The following HS6ST3 variants were observed in gnomAD, a reference collection of about 807,000 sequenced individuals.
HS6ST3 encodes heparan-sulfate 6-O-sulfotransferase 3.
In HS6ST3, 12 loss-of-function variants were observed where a neutral mutation model predicts 36.7. That is an observed-to-expected ratio of 0.33 (90% CI 0.21 to 0.53). The LOEUF (loss-of-function observed/expected upper bound fraction) is 0.53. HS6ST3 is among the 20% of genes least tolerant of loss of function. The pLI, the probability that HS6ST3 is intolerant of heterozygous loss-of-function variation, is 0.95. For missense variants in HS6ST3, 584 were observed against 640.9 expected (o/e 0.91, Z 0.96); for synonymous variants, 240 against 257.5 (o/e 0.93, Z 0.65).
chr13:96,778,156 A>G (rs761057651), intron 1 of HS6ST3, among the ~76,000 whole-genome samples: 8 of 152,106 alleles, frequency 5.3e-5, no homozygotes, highest in Non-Finnish European at 8.8e-5. Context: ...TTCCTTACAC[A>G]TTATTCAAAA....
chr13:96,457,092 G>A (rs1010193954), intron 1 of HS6ST3, among the ~76,000 whole-genome samples: 2 of 152,034 alleles, frequency 1.3e-5, no homozygotes, highest in Non-Finnish European at 2.9e-5. Context: ...GTTTTAGGGA[G>A]GCTGATTACA....
chr13:96,091,707 G>A (rs998371892), intron 1 of HS6ST3, 138 bp downstream of exon 1: 31 of 1,217,842 alleles, frequency 2.5e-5, no homozygotes, highest in Non-Finnish European at 3.3e-5. Flanking sequence ...CCGTGGCTTT[G>A]GGGAGGGATG....
chr13:96,344,771 T>C (rs1197108143), intron 1 of HS6ST3, among the ~76,000 whole-genome samples: 6 of 152,200 alleles, frequency 3.9e-5, no homozygotes, highest in African/African-American at 1.2e-4. Flanking sequence ...GTGAACAATG[T>C]TGTTGTTCAG....
intron 1 of HS6ST3, among the ~76,000 whole-genome samples, chr13:96,573,401 A>G (rs2056308007): frequency 6.6e-6 from 1 of 152,274 alleles, no homozygotes; most frequent in Non-Finnish European, 1.5e-5. Flanking sequence ...AGCCAGATGC[A>G]TGACTCCATG....
chr13:96,550,764 T>G (rs2056216726), intron 1 of HS6ST3, among the ~76,000 whole-genome samples: 1 of 150,766 alleles, frequency 6.6e-6, no homozygotes, highest in African/African-American at 2.5e-5. Flanking sequence ...TTTAGATGAG[T>G]AAGTAACTTT....
intron 1 of HS6ST3, among the ~76,000 whole-genome samples, chr13:96,166,306 C>G (rs2054159967): frequency 6.6e-6 from 1 of 152,022 alleles, no homozygotes; most frequent in African/African-American, 2.4e-5. Flanking sequence ...AGTAAACTTT[C>G]TCATACTGCT....
chr13:96,121,142 G>A (rs2053923700), intron 1 of HS6ST3, among the ~76,000 whole-genome samples: 1 of 152,212 alleles, frequency 6.6e-6, no homozygotes, highest in African/African-American at 2.4e-5. Context: ...TGATTTATAA[G>A]TGTATTTCCA....
intron 1 of HS6ST3, among the ~76,000 whole-genome samples, chr13:96,624,904 T>A (rs2056506935): frequency 1.3e-5 from 2 of 152,298 alleles, no homozygotes. Flanking sequence ...CTGCAGAGAT[T>A]TTTGAGCCAG....
At chr13:96,131,535 A>G (rs2053975718) in intron 1 of HS6ST3, among the ~76,000 whole-genome samples, 2 of 152,220 alleles carry the variant, frequency 1.3e-5, no homozygotes, top group South Asian at 4.1e-4. Flanking sequence ...ATTACCATAC[A>G]TGCTTATCAT....
At chr13:96,756,123 T>C (rs1171400751) in intron 1 of HS6ST3, among the ~76,000 whole-genome samples, 1 of 152,240 alleles carries the variant, frequency 6.6e-6, no homozygotes, top group Non-Finnish European at 1.5e-5. Context: ...ATATATCTTC[T>C]CTTCTTGGCC....
chr13:96,297,430 G>A (rs1255736307), intron 1 of HS6ST3, among the ~76,000 whole-genome samples: 2 of 152,078 alleles, frequency 1.3e-5, no homozygotes, highest in Non-Finnish European at 2.9e-5. Flanking sequence ...AACCAAAGCG[G>A]AACTCTTAAT....
At chr13:96,097,604 T>G (rs975242216) in intron 1 of HS6ST3, among the ~76,000 whole-genome samples, 9 of 152,052 alleles carry the variant, frequency 5.9e-5, no homozygotes, top group African/African-American at 2.2e-4. Flanking sequence ...TGTTTTGTAG[T>G]AATCACTTAT....
At chr13:96,688,567 A>G (rs2138443046) in intron 1 of HS6ST3, among the ~76,000 whole-genome samples, 1 of 152,154 alleles carries the variant, frequency 6.6e-6, no homozygotes, top group Non-Finnish European at 1.5e-5. Context: ...CGCTCACTTG[A>G]TATAGAGCTT....
chr13:96,525,058 T>A (rs549674226), intron 1 of HS6ST3, among the ~76,000 whole-genome samples: 2 of 152,254 alleles, frequency 1.3e-5, no homozygotes, highest in Non-Finnish European at 2.9e-5. Flanking sequence ...TATTGAATAA[T>A]GAAGTCTAGG....
intron 1 of HS6ST3, among the ~76,000 whole-genome samples, chr13:96,770,355 T>C (rs1877234470): frequency 6.6e-6 from 1 of 152,218 alleles, no homozygotes; most frequent in South Asian, 2.1e-4. Flanking sequence ...TTGAGCATAA[T>C]TTTAATGCTG....
intron 1 of HS6ST3, among the ~76,000 whole-genome samples, chr13:96,641,941 T>C (rs549813737): frequency 1.3e-5 from 2 of 151,944 alleles, no homozygotes; most frequent in South Asian, 4.1e-4. Flanking sequence ...AAAACATTTA[T>C]AATATCTTTT....
chr13:96,099,830 A>G (rs2053809298), intron 1 of HS6ST3, among the ~76,000 whole-genome samples: 1 of 152,224 alleles, frequency 6.6e-6, no homozygotes. Context: ...TTAAGCGTAA[A>G]CCTGAGAGAT....
At chr13:96,395,747 C>T (rs1438311605) in intron 1 of HS6ST3, among the ~76,000 whole-genome samples, 1 of 152,062 alleles carries the variant, frequency 6.6e-6, no homozygotes, top group Non-Finnish European at 1.5e-5. Context: ...ATTTATGATA[C>T]TTATTTACTT....
At chr13:96,577,952 A>G (rs1305040012) in intron 1 of HS6ST3, among the ~76,000 whole-genome samples, 1 of 152,340 alleles carries the variant, frequency 6.6e-6, no homozygotes, top group Non-Finnish European at 1.5e-5. Context: ...ATTACATTTT[A>G]TTGACCATGG....
Sources: allele counts gnomAD v4.1 joint callset (sites outside exome capture counted in the v4.1 genomes callset), GRCh38; gene constraint gnomAD v4.1.1; transcripts MANE v1.5; gene names NCBI Gene and HGNC (gene_info 2026-07-23, HGNC 2026-07-21).